The following CPPED1 variants were observed in gnomAD, a reference collection of about 807,000 sequenced individuals.
CPPED1 encodes calcineurin like phosphoesterase domain containing 1, also known as serine/threonine-protein phosphatase CPPED1.
In CPPED1, 28 loss-of-function variants were observed where a neutral mutation model predicts 28.0. The ratio of observed to expected loss-of-function variants is 1.00; its 90% confidence interval spans 0.74 to 1.37. The LOEUF is 1.37. Among genes scored for constraint, CPPED1 ranks in the 40% most tolerant of loss-of-function variants. CPPED1 has a pLI of 0.00. For missense variants in CPPED1, 504 were observed against 416.5 expected (o/e 1.21, Z -1.83); for synonymous variants, 198 against 180.2 (o/e 1.10, Z -0.79).
intron 2 of CPPED1, among the ~76,000 whole-genome samples, chr16:12,749,489 G>A (rs537432292): frequency 2.0e-5 from 3 of 152,148 alleles, no homozygotes; most frequent in African/African-American, 7.2e-5. Flanking sequence ...GTCTTCTACT[G>A]AAGTCTTAAA....
At chr16:12,783,262 C>G (rs2080543116) in intron 1 of CPPED1, among the ~76,000 whole-genome samples, 1 of 152,154 alleles carries the variant, frequency 6.6e-6, no homozygotes, top group Admixed American at 6.5e-5. Context: ...GTTTGGGAGG[C>G]CAAGGCGGGC....
chr16:12,773,437 C>T (rs895992021), intron 2 of CPPED1, among the ~76,000 whole-genome samples: 1 of 152,116 alleles, frequency 6.6e-6, no homozygotes, highest in East Asian at 1.9e-4. Flanking sequence ...AAAAAGTGGC[C>T]CCGACTCGGC....
chr16:12,721,820 T>A (rs1205376930), intron 2 of CPPED1, among the ~76,000 whole-genome samples: 1 of 151,554 alleles, frequency 6.6e-6, no homozygotes, highest in South Asian at 2.1e-4. Flanking sequence ...GCCAGCAATA[T>A]GCAGAGCTGC....
chr16:12,759,825 C>A (rs1387058201), intron 2 of CPPED1, among the ~76,000 whole-genome samples: 1 of 152,172 alleles, frequency 6.6e-6, no homozygotes, highest in Non-Finnish European at 1.5e-5. Flanking sequence ...TCCTGAGGCT[C>A]CCCAGCCATG....
intron 2 of CPPED1, among the ~76,000 whole-genome samples, chr16:12,766,256 T>TATATATATAGAGAGAGAGAGAG: frequency 7.4e-6 from 1 of 134,292 alleles, no homozygotes; most frequent in African/African-American, 3.5e-5. Context: ...TATATATATA[T>TATATATATAGAGAGAGAGAGAG]AGAGAGAGAG....
chr16:12,680,725 C>G (rs186006677), intron 3 of CPPED1, among the ~76,000 whole-genome samples: 32 of 152,272 alleles, frequency 2.1e-4, no homozygotes, highest in African/African-American at 7.2e-4. Context: ...CCAAGCAGCT[C>G]TGCCCCTGTG....
chr16:12,716,545 C>A (rs773575295), intron 2 of CPPED1, among the ~76,000 whole-genome samples: 8 of 152,240 alleles, frequency 5.3e-5, no homozygotes, highest in Non-Finnish European at 1.2e-4. Context: ...TTCCATGCTA[C>A]AGTCTGAACT....
At chr16:12,729,177 C>T (rs2080185019) in intron 2 of CPPED1, among the ~76,000 whole-genome samples, 3 of 152,160 alleles carry the variant, frequency 2.0e-5, no homozygotes, top group Admixed American at 2.0e-4. Context: ...CCTGATCTGA[C>T]ATCCAACTCA....
chr16:12,773,068 G>T (rs1473468130), intron 2 of CPPED1, among the ~76,000 whole-genome samples: 3 of 152,158 alleles, frequency 2.0e-5, no homozygotes, highest in African/African-American at 7.2e-5. Context: ...AGTTTTCAGA[G>T]CTTTCTGAAC....
chr16:12,766,124 C>A (rs559272307), intron 2 of CPPED1, among the ~76,000 whole-genome samples: 1 of 151,810 alleles, frequency 6.6e-6, no homozygotes, highest in Non-Finnish European at 1.5e-5. Context: ...CTGCAGAAGG[C>A]GTTCATTAGC....
chr16:12,697,840 A>G (rs2080000044), intron 3 of CPPED1, among the ~76,000 whole-genome samples: 1 of 152,156 alleles, frequency 6.6e-6, no homozygotes, highest in Non-Finnish European at 1.5e-5. Flanking sequence ...GCCTGGGTGC[A>G]GTGGCTCATG....
intron 2 of CPPED1, among the ~76,000 whole-genome samples, chr16:12,773,580 G>C (rs1003968067): frequency 2.6e-5 from 4 of 152,036 alleles, no homozygotes; most frequent in African/African-American, 7.2e-5. Context: ...AAAATTAGCC[G>C]GGCATGGTGG....
At position 12,803,607 on chromosome 16, in the gene CPPED1, T is replaced by A. The variant is rs550373147; in HGVS notation, c.70+100A>T. 3.8e-6 allele frequency: 4 copies of A among 1,049,240 alleles called. No individual in the cohort carries two copies. In the African/African-American group the frequency reaches 5.1e-5, roughly 13 times the overall value. The allele number at this position is 1,049,240 out of a possible 1,614,324, so 65.0% of individuals were successfully genotyped here. On this transcript the variant is annotated intron_variant, in intron 1 of 3. Transcript: ENST00000381774. Reference sequence around the variant, plus strand: ...TCCCAGGCCCCGGTGCAGCCCCGGATGGTGTCCGACTGGCGGAGCGCACAC... The same window carrying A: ...TCCCAGGCCCCGGTGCAGCCCCGGAAGGTGTCCGACTGGCGGAGCGCACAC...
intron 3 of CPPED1, among the ~76,000 whole-genome samples, chr16:12,685,747 A>G (rs75889784): frequency 0.015 from 2,258 of 152,232 alleles, 50 homozygotes; most frequent in African/African-American, 0.05. Context: ...CCAAACCAGG[A>G]TGGATGCAGC....
At chr16:12,770,034 CG>C (rs1342296660) in intron 2 of CPPED1, among the ~76,000 whole-genome samples, 20 of 152,060 alleles carry the variant, frequency 1.3e-4, no homozygotes, top group African/African-American at 4.8e-4. Context: ...ATGAACAAAA[CG>C]GTTTCTGTTC....
intron 1 of CPPED1, among the ~76,000 whole-genome samples, chr16:12,794,861 C>T (rs1343652121): frequency 1.3e-5 from 2 of 152,202 alleles, no homozygotes; most frequent in African/African-American, 2.4e-5. Flanking sequence ...CCACAATGGC[C>T]GTCCTTCCAA....
At chr16:12,769,827 C>T (rs2080459851) in intron 2 of CPPED1, among the ~76,000 whole-genome samples, 1 of 152,190 alleles carries the variant, frequency 6.6e-6, no homozygotes, top group African/African-American at 2.4e-5. Flanking sequence ...CTCTTGCACG[C>T]ATAGAACTCC....
Position 12,663,984 on chromosome 16 carries a change from G to C in CPPED1, c.*902C>G, listed in dbSNP as rs2079811006. The C allele has an allele frequency of 6.6e-6, 1 of 152,176 alleles. No homozygotes were observed. Among genetic ancestry groups the C allele is most frequent in the Non-Finnish European group, 1.5e-5 (1 of 68,032 alleles). The allele number at this position is 152,176 out of a possible 1,614,324, so 9.4% of individuals were successfully genotyped here. A position where few individuals can be genotyped will look rare whatever the true frequency, so the allele number is the denominator to read the frequency against. On this transcript the variant is annotated 3_prime_UTR_variant, in exon 4 of 4. Coordinates refer to ENST00000381774, the MANE Select transcript of CPPED1 (RefSeq NM_018340.3). ...GGATGTGGCTGAAGGCACCGTTTTG[G>C]CCTTTTTTGTTTCTTTTGAGAGCTC...
At chr16:12,700,157 C>T (rs537478189) in intron 3 of CPPED1, among the ~76,000 whole-genome samples, 39 of 152,294 alleles carry the variant, frequency 2.6e-4, no homozygotes, top group African/African-American at 8.7e-4. Context: ...CAGGGAATTT[C>T]GGGAAGGGCT....
Sources: gnomAD v4.1 joint callset for allele counts (sites outside exome capture counted in the v4.1 genomes callset) on GRCh38, gnomAD v4.1.1 for gene constraint, MANE v1.5 for transcripts, NCBI Gene and HGNC (gene_info 2026-07-23, HGNC 2026-07-21) for gene names.